PCNX3: variants seen among roughly 807,000 people sequenced by gnomAD.
PCNX3 encodes the protein pecanex 3.
PCNX3 carries 58 observed loss-of-function variants against 207.2 expected under a neutral mutation model. The observed-to-expected ratio is 0.28, with a 90% CI of 0.23 to 0.35. PCNX3 has a LOEUF of 0.35. PCNX3 is among the 10% of genes least tolerant of loss of function. The pLI is 1.00. For missense variants in PCNX3, 2,410 were observed against 2,774.4 expected (o/e 0.87, Z 2.95); for synonymous variants, 1,337 against 1,183.5 (o/e 1.13, Z -2.66).
In PCNX3 at chr11:65,619,932, G is replaced by A. The variant is rs1403324579; in HGVS notation, c.2008G>A (p.Gly670Ser). 6.3e-6 allele frequency: 10 copies of A among 1,596,206 alleles called. No individual in the cohort carries two copies. The highest frequency in any genetic ancestry group is 1.7e-5 in the Admixed American group (1 of 59,344). Residue 670 changes from glycine (G) to serine (S), a missense_variant and splice_region_variant, in exon 8 of 35, where the codon GGT (glycine) becomes AGT (serine). Physicochemically the swap from Gly to Ser is moderately conservative, Grantham distance 56 (BLOSUM62 0). Around this residue, in one of 8 missense-constraint regions of PCNX3, gnomAD observed 1,104 missense variants for 970.3 expected, o/e 1.14. Coordinates refer to ENST00000355703, the MANE Select transcript of PCNX3 (RefSeq NM_032223.4). ...GAVHYFYDES[G>S]VRRSYTFGLA... ...TGTGCACTATTTCTACGATGAGAGC[G>A]GTGAGCCTTTCCCAAGCCCGGTGGC... is the stretch of plus-strand genomic sequence containing the variant.
At position 65,636,614 on chromosome 11, in the gene PCNX3, G is replaced by A. The variant is rs1413287936; in HGVS notation, c.5817G>A (p.Gly1939=). 1.3e-6 allele frequency: 2 copies of A among 1,584,272 alleles called. No individual in the cohort carries two copies. Among genetic ancestry groups the A allele is most frequent in the South Asian group, 1.1e-5 (1 of 87,474 alleles). The change falls in exon 34 of 35, where the codon GGG becomes GGA. Residue 1939 remains glycine, a synonymous_variant. Transcript: ENST00000355703. ...SEGPSGKWSL[G]GRKGLGGSDG... is the part of the protein sequence containing the mutation. ...GCCCCAGTGGAAAGTGGAGCCTGGGGGGCCGGAAGGGGCTGGGAGGATCTG... is the reference window on the plus strand; with the variant it reads ...GCCCCAGTGGAAAGTGGAGCCTGGGAGGCCGGAAGGGGCTGGGAGGATCTG...
intron 8 of PCNX3, 99 bp from the exon 9 acceptor site, chr11:65,620,240 C>T: frequency 1.6e-6 from 2 of 1,249,968 alleles, no homozygotes; most frequent in South Asian, 1.5e-5. Context: ...GGACACAGCA[C>T]AAGGTTCTGC....
intron 20 of PCNX3, 63 bp downstream of exon 20, chr11:65,626,117 G>T (rs1356027152): frequency 1.3e-6 from 2 of 1,542,796 alleles, no homozygotes; most frequent in South Asian, 2.4e-5. Flanking sequence ...TGGCTGGTGG[G>T]AGCTGTGGTC....
At chr11:65,626,077 C>T (rs1447940769) in intron 20 of PCNX3, 23 bp downstream of exon 20, 3 of 1,578,842 alleles carry the variant, frequency 1.9e-6, no homozygotes, top group Non-Finnish European at 2.6e-6. Flanking sequence ...CCCTGATGGC[C>T]AGGCCTGGGC....
At position 65,634,653 on chromosome 11, in the gene PCNX3, G is replaced by A. The variant is rs2135482552; in HGVS notation, c.4805+12G>A. 4 of 1,559,630 alleles carry A rather than the reference G, an allele frequency of 2.6e-6. No homozygotes were observed. In the East Asian group the frequency reaches 7.0e-5, roughly 27 times the overall value. On this transcript the variant is annotated intron_variant, in intron 29 of 34. Transcript: ENST00000355703. Reference sequence around the variant, plus strand: ...AGCATGTCTGCAAGGTGAGTGCTCGGGTGTCCCGCGGGGCCTACTGCCGTC... The same window carrying A: ...AGCATGTCTGCAAGGTGAGTGCTCGAGTGTCCCGCGGGGCCTACTGCCGTC...
At chr11:65,627,355 C>G in intron 21 of PCNX3, 50 bp from the exon 22 acceptor site, 1 of 1,574,130 alleles carries the variant, frequency 6.4e-7, no homozygotes, top group Non-Finnish European at 8.6e-7. Flanking sequence ...CACCTATACC[C>G]ACTGCCCCGG....
In PCNX3 at chr11:65,618,257, G is replaced by A. The variant is rs1181754493; in HGVS notation, c.895G>A (p.Asp299Asn). 5 of 1,609,900 alleles carry A rather than the reference G, an allele frequency of 3.1e-6. No individual in the cohort carries two copies. Among genetic ancestry groups the A allele is most frequent in the Non-Finnish European group, 4.2e-6 (5 of 1,178,158 alleles). Residue 299 changes from aspartate to asparagine, a missense_variant, in exon 6 of 35, where the codon GAC becomes AAC. Coordinates refer to ENST00000355703, the MANE Select transcript of PCNX3 (RefSeq NM_032223.4). ...EPTPQKAGSS[D>N]SCFSGTDRET... Reference sequence around the variant, plus strand: ...CACGCCCCAGAAAGCCGGCTCCTCAGACTCCTGCTTCAGCGGCACTGACAG... The same window carrying A: ...CACGCCCCAGAAAGCCGGCTCCTCAAACTCCTGCTTCAGCGGCACTGACAG...
chr11:65,631,502 C>G (rs963518535), intron 27 of PCNX3, among the ~76,000 whole-genome samples: 3 of 152,098 alleles, frequency 2.0e-5, no homozygotes, highest in Non-Finnish European at 2.9e-5. Flanking sequence ...ACTAAAAATA[C>G]AAAATAATTA....
intron 9 of PCNX3, 68 bp from the exon 10 acceptor site, chr11:65,620,763 T>C: frequency 6.4e-7 from 1 of 1,552,988 alleles, no homozygotes; most frequent in South Asian, 1.2e-5. Flanking sequence ...GGCCTTGGCC[T>C]CGGCCTCGAC....
chr11:65,623,455 C>T (rs1396655807), intron 11 of PCNX3, 36 bp from the exon 12 acceptor site: 2 of 1,548,936 alleles, frequency 1.3e-6, no homozygotes, highest in Non-Finnish European at 1.7e-6. Flanking sequence ...GAAGGTGAGG[C>T]AAGACGGGCA....
intron 11 of PCNX3, among the ~76,000 whole-genome samples, chr11:65,622,605 A>G (rs533807413): frequency 6.6e-6 from 1 of 151,934 alleles, no homozygotes; most frequent in Non-Finnish European, 1.5e-5. Context: ...GCTGAAAAAA[A>G]CTTTTTTTGA....
chr11:65,627,480 C>G lies in PCNX3; in HGVS notation c.3600C>G (p.Tyr1200Ter). The change falls in exon 22 of 35, where the codon TAC (tyrosine) becomes TAG (stop). Residue 1200 changes from tyrosine to a stop codon, truncating the protein, a stop_gained. Transcript: ENST00000355703. LOFTEE classifies it high-confidence loss of function. ...RSAFCCPPQQ[Y>*]LTLAFTVLLF... is the part of the protein sequence containing the mutation. ...CCTTCTGCTGCCCCCCACAGCAGTA[C>G]CTGACGTTGGCCTTCACCGTCCTGC... The G allele has an allele frequency of 6.2e-7, 1 of 1,613,806 alleles. No individual in the cohort carries two copies. The highest frequency in any genetic ancestry group is 8.5e-7 in the Non-Finnish European group (1 of 1,179,874).
chr11:65,621,012 G>A, intron 10 of PCNX3, 46 bp downstream of exon 10: 2 of 1,490,756 alleles, frequency 1.3e-6, no homozygotes, highest in Non-Finnish European at 1.8e-6. Flanking sequence ...GCGTGACGGG[G>A]CGGGCAGATC....
At chr11:65,622,121 C>A in intron 10 of PCNX3, 124 bp from the exon 11 acceptor site, 1 of 1,445,098 alleles carries the variant, frequency 6.9e-7, no homozygotes, top group Non-Finnish European at 9.1e-7. Flanking sequence ...TGGAAATGGT[C>A]AACCAGACCG....
intron 11 of PCNX3, among the ~76,000 whole-genome samples, chr11:65,622,622 G>GTC (rs1294991348): frequency 6.6e-6 from 1 of 152,184 alleles, no homozygotes; most frequent in African/African-American, 2.4e-5. Context: ...TTGAGACGGA[G>GTC]TCTCTCTCTG....
chr11:65,619,281 G>A (rs1257736290), intron 6 of PCNX3: 3 of 380,054 alleles, frequency 7.9e-6, no homozygotes, highest in Non-Finnish European at 1.1e-5. Flanking sequence ...TAGCACCTGA[G>A]TCTCTGTCCC....
intron 5 of PCNX3, 76 bp from the exon 6 acceptor site, chr11:65,617,864 A>G (rs1854830971): frequency 3.4e-6 from 5 of 1,478,508 alleles, no homozygotes; most frequent in Non-Finnish European, 4.5e-6. Flanking sequence ...AGTACAGGGC[A>G]TAAGACCTCC....
Position 65,624,178 on chromosome 11 carries a change from A to C in PCNX3, c.2545-17A>C, listed in dbSNP as rs779083615. The stretch of plus-strand genomic sequence containing the variant: ...GCCAGTCGGGGAGACCCAGCTCCTC[A>C]TGGGCTGACCCCTCAGGGCCACAAC... On this transcript the variant is annotated splice_polypyrimidine_tract_variant and intron_variant, in intron 13 of 34. Coordinates refer to ENST00000355703, the MANE Select transcript of PCNX3 (RefSeq NM_032223.4). The C allele has an allele frequency of 1.4e-5, 23 of 1,596,612 alleles. No individual in the cohort carries two copies. The highest frequency in any genetic ancestry group is 1.9e-5 in the Non-Finnish European group (22 of 1,174,092).
Position 65,616,189 on chromosome 11 carries a change from G to A in PCNX3, c.-123G>A. The A allele has an allele frequency of 4.1e-6, 3 of 723,032 alleles. No homozygotes were observed. The highest frequency in any genetic ancestry group is 5.9e-6 in the Non-Finnish European group (3 of 509,426). The allele number at this position is 723,032 out of a possible 1,614,324, so 44.8% of individuals were successfully genotyped here. On this transcript the variant is annotated 5_prime_UTR_variant, in exon 1 of 35. Transcript: ENST00000355703. The stretch of plus-strand genomic sequence containing the variant: ...CGGCCGAGCCCCCCTCCCCCGCTGG[G>A]GGAGGCCATGGCGTGAGCGTGAGGC...
Sources: gnomAD v4.1 joint callset for allele counts (sites outside exome capture counted in the v4.1 genomes callset) on GRCh38, gnomAD v4.1.1 for gene constraint, gnomAD v4.1.1 regional missense constraint, MANE v1.5 for transcripts, NCBI Gene and HGNC (gene_info 2026-07-23, HGNC 2026-07-21) for gene names.